Variants in RC3H2 observed in about 807,000 individuals in gnomAD.
The protein encoded by RC3H2 is ring finger and CCCH-type domains 2, also known as roquin-2.
RC3H2 carries 31 observed loss-of-function variants against 133.3 expected under a neutral mutation model. The observed-to-expected ratio is 0.23, with a 90% confidence interval of 0.17 to 0.31. The LOEUF is 0.31. RC3H2 is among the 10% of genes least tolerant of loss of function. The probability of loss-of-function intolerance (pLI) is 1.00; values close to 1 mark genes in which losing one functional copy is unlikely to be tolerated. For missense variants in RC3H2, 1,175 were observed against 1,437.2 expected (o/e 0.82, Z 2.95); for synonymous variants, 517 against 502.2 (o/e 1.03, Z -0.40).
intron 10 of RC3H2, among the ~76,000 whole-genome samples, chr9:122,863,850 C>G (rs1314306148): frequency 6.6e-6 from 1 of 152,196 alleles, no homozygotes; most frequent in African/African-American, 2.4e-5. Context: ...GATTCTCCTG[C>G]CTCAGCCTTC....
intron 18 of RC3H2, 48 bp from the exon 19 acceptor site, chr9:122,851,484 A>G (rs930316556): frequency 3.2e-6 from 5 of 1,582,472 alleles, no homozygotes; most frequent in Non-Finnish European, 3.4e-6. Flanking sequence ...CCCTCTCCCC[A>G]TGGTCTCCCT....
chr9:122,893,885 T>G (rs918512241), intron 2 of RC3H2, among the ~76,000 whole-genome samples: 14 of 152,196 alleles, frequency 9.2e-5, no homozygotes, highest in African/African-American at 3.1e-4. Flanking sequence ...TGACCTTGAG[T>G]AAATTACTTA....
At chr9:122,884,365 A>G (rs1831802090) in intron 4 of RC3H2, among the ~76,000 whole-genome samples, 1 of 152,182 alleles carries the variant, frequency 6.6e-6, no homozygotes, top group African/African-American at 2.4e-5. Flanking sequence ...CTTATAATAA[A>G]TGGTATTGTT....
Position 122,890,357 on chromosome 9 carries a change from G to C in RC3H2, c.538C>G (p.Leu180Val). 1 of 1,614,142 alleles carries C rather than the reference G, an allele frequency of 6.2e-7. No homozygotes were observed. The change falls in exon 4 of 21, where the codon CTA becomes GTA. Residue 180 changes from leucine to valine, a missense_variant. By Grantham distance (32) the Leu-to-Val change is conservative. Coordinates refer to ENST00000357244, the MANE Select transcript of RC3H2 (RefSeq NM_001100588.3). The stretch of plus-strand genomic sequence containing the variant: ...CCTCGAGCCCTGACAGCGGCCCATA[G>C]ATTGGCAGACAACTGCTGAGGGTTC... ...HQNPQQLSAN[L>V]WAAVRARGCQ...
rs56240814 is a variant in RC3H2 at position 122,888,095 on chromosome 9, A to T, written c.583+2217T>A. Reference sequence around the variant, plus strand: ...AAGTCTTGGTTCTGGTGGCATTAACATAATTATTTGCTTGCTTGTTTTATC... The same window carrying T: ...AAGTCTTGGTTCTGGTGGCATTAACTTAATTATTTGCTTGCTTGTTTTATC... On this transcript the variant is annotated intron_variant, in intron 4 of 20. Coordinates refer to ENST00000357244, the MANE Select transcript of RC3H2 (RefSeq NM_001100588.3). 2.6e-5 allele frequency among the ~76,000 whole-genome samples: 4 copies of T among 152,248 alleles called. No individual in the cohort carries two copies. The East Asian group carries it at 7.7e-4, about 29-fold the overall frequency.
chr9:122,902,148 C>G (rs1832680678), intron 1 of RC3H2, among the ~76,000 whole-genome samples: 1 of 152,006 alleles, frequency 6.6e-6, no homozygotes, highest in African/African-American at 2.4e-5. Context: ...TCAGGCTGGT[C>G]TCGAACTCCT....
rs2131394754 is a variant in RC3H2, at chr9:122,859,111, T to C, written c.1850-9A>G. The C allele has an allele frequency of 6.5e-7, 1 of 1,528,960 alleles. No individual in the cohort carries two copies. The allele number at this position is 1,528,960 out of a possible 1,614,324, so 94.7% of individuals were successfully genotyped here. A position where few individuals can be genotyped will look rare whatever the true frequency, so the allele number is the denominator to read the frequency against. On this transcript the variant is annotated splice_polypyrimidine_tract_variant and intron_variant, in intron 11 of 20. Coordinates refer to ENST00000357244, the MANE Select transcript of RC3H2 (RefSeq NM_001100588.3). ...AGGTGGTGGATAGTATCCTTGAAAA[T>C]TGGAAAGAGGAATATTTAATGTAAT... is the stretch of plus-strand genomic sequence containing the variant.
intron 18 of RC3H2, among the ~76,000 whole-genome samples, chr9:122,853,021 A>G (rs1830110671): frequency 6.6e-6 from 1 of 152,166 alleles, no homozygotes; most frequent in Non-Finnish European, 1.5e-5. Flanking sequence ...GAGACTTTTC[A>G]TTTTGTTCTG....
At position 122,849,522 on chromosome 9, in the gene RC3H2, T is replaced by A. The variant is rs1289082942; in HGVS notation, c.*105A>T. 2 of 395,718 alleles carry A rather than the reference T, an allele frequency of 5.1e-6. No individual in the cohort carries two copies. Among genetic ancestry groups the A allele is most frequent in the Non-Finnish European group, 7.7e-6 (2 of 261,130 alleles). The allele number at this position is 395,718 out of a possible 1,614,324, so 24.5% of individuals were successfully genotyped here. On this transcript the variant is annotated 3_prime_UTR_variant, in exon 21 of 21. Transcript: ENST00000357244. Reference sequence around the variant, plus strand: ...GGAAATGGATGCCCCCAGTAATATCTTTTTTTTAAAAAAAATATACATTAT... The same window carrying A: ...GGAAATGGATGCCCCCAGTAATATCATTTTTTTAAAAAAAATATACATTAT...
chr9:122,853,286 T>G (rs370214706), intron 18 of RC3H2, among the ~76,000 whole-genome samples: 1 of 150,828 alleles, frequency 6.6e-6, no homozygotes, highest in Non-Finnish European at 1.5e-5. Flanking sequence ...CCAGAGACCT[T>G]TGTTCACTTG....
chr9:122,904,242 T>C (rs553668331), intron 1 of RC3H2, among the ~76,000 whole-genome samples: 41 of 152,170 alleles, frequency 2.7e-4, no homozygotes, highest in Non-Finnish European at 4.9e-4. Context: ...AACCCAAGGG[T>C]TATGAAAATA....
At chr9:122,883,023 T>C (rs767483903) in intron 5 of RC3H2, among the ~76,000 whole-genome samples, 181 bp downstream of exon 5, 10 of 152,200 alleles carry the variant, frequency 6.6e-5, no homozygotes, top group Non-Finnish European at 1.5e-4. Flanking sequence ...ATTTTGCCAA[T>C]AGATAGTAAT....
In RC3H2 at chr9:122,854,762, G is replaced by A. The variant is rs1009256059; in HGVS notation, c.2816-147C>T. The stretch of plus-strand genomic sequence containing the variant: ...ACCTAATTCTGAGTTTCCCATGGTT[G>A]TTAAATGGAGGGAAATGTTTTCCAT... On this transcript the variant is annotated intron_variant, in intron 15 of 20. Coordinates refer to ENST00000357244, the MANE Select transcript of RC3H2 (RefSeq NM_001100588.3). The A allele has an allele frequency of 5.4e-5, 35 of 643,402 alleles. No individual in the cohort carries two copies. In the South Asian group the frequency reaches 6.1e-4, roughly 11 times the overall value. 39.9% of individuals were successfully genotyped at this position (643,402 alleles called of 1,614,324 possible). A position where few individuals can be genotyped will look rare whatever the true frequency, so the allele number is the denominator to read the frequency against.
intron 1 of RC3H2, among the ~76,000 whole-genome samples, chr9:122,898,814 A>C (rs544371904): frequency 6.6e-6 from 1 of 152,088 alleles, no homozygotes; most frequent in Non-Finnish European, 1.5e-5. Context: ...AACGATACTA[A>C]TTTGAACACA....
At chr9:122,863,619 G>T (rs1052315016) in intron 10 of RC3H2, among the ~76,000 whole-genome samples, 4 of 152,084 alleles carry the variant, frequency 2.6e-5, no homozygotes, top group African/African-American at 9.7e-5. Context: ...TAAAAGCAAA[G>T]TATCTTGTAT....
intron 1 of RC3H2, among the ~76,000 whole-genome samples, chr9:122,898,477 T>C (rs1358750105): frequency 6.6e-6 from 1 of 152,092 alleles, no homozygotes; most frequent in African/African-American, 2.4e-5. Flanking sequence ...CTGCTGGGCG[T>C]GGTGGCTCAC....
At chr9:122,862,013 C>G (rs1588063290) in intron 10 of RC3H2, among the ~76,000 whole-genome samples, 1 of 152,184 alleles carries the variant, frequency 6.6e-6, no homozygotes, top group Non-Finnish European at 1.5e-5. Flanking sequence ...TGAGTCTATT[C>G]CAGGCACTGT....
intron 11 of RC3H2, 51 bp from the exon 12 acceptor site, chr9:122,859,153 A>G (rs1194754520): frequency 1.4e-6 from 2 of 1,391,926 alleles, no homozygotes; most frequent in Non-Finnish European, 9.6e-7. Context: ...ACAATCCAAC[A>G]TTTTATAATG....
chr9:122,852,352 T>A (rs1830067890), intron 18 of RC3H2, among the ~76,000 whole-genome samples: 3 of 149,470 alleles, frequency 2.0e-5, no homozygotes, highest in East Asian at 2.0e-4. Flanking sequence ...AGCCACCCCG[T>A]CTGGGAAGTG....
Sources: allele counts gnomAD v4.1 joint callset (sites outside exome capture counted in the v4.1 genomes callset), GRCh38; gene constraint gnomAD v4.1.1; transcripts MANE v1.5; gene names NCBI Gene and HGNC (gene_info 2026-07-23, HGNC 2026-07-21).